The following DNAH6 variants were observed in gnomAD, a reference collection of about 807,000 sequenced individuals.
DNAH6 encodes dynein axonemal heavy chain 6, also known as axonemal beta dynein heavy chain 6.
Under a neutral mutation model 491.4 loss-of-function variants are expected in DNAH6, and 340 were observed. That is an observed-to-expected ratio of 0.69 (90% CI 0.63 to 0.76). The LOEUF is 0.76. Ranked by LOEUF, DNAH6 falls within the 30% of genes least tolerant of loss-of-function variation. The pLI is 0.00. For missense variants in DNAH6, 4,443 were observed against 4,972.2 expected, an observed-to-expected ratio of 0.89 and a Z score of 3.20; for synonymous variants, 1,603 against 1,686.1, an observed-to-expected ratio of 0.95 and a Z score of 1.21.
chr2:84,615,031 A>G (rs184063171), intron 22 of DNAH6, among the ~76,000 whole-genome samples: 6 of 144,370 alleles, frequency 4.2e-5, no homozygotes, highest in Admixed American at 2.7e-4. Context: ...TTTAAGTCCC[A>G]TCTATTTATC....
chr2:84,468,431 G>A, the DNAH6 span, among the ~76,000 whole-genome samples: 1,631 of 152,254 alleles, frequency 0.011, 44 homozygotes, highest in African/African-American at 0.037. Context: ...GGCTGTTAGA[G>A]CTTGAATATC....
At chr2:84,646,642 T>TA (rs1186378971) in intron 33 of DNAH6, among the ~76,000 whole-genome samples, 2 of 152,126 alleles carry the variant, frequency 1.3e-5, no homozygotes, top group African/African-American at 4.8e-5. Context: ...GATAAAAGAT[T>TA]AAACCAGCCA....
chr2:84,658,418 C>T lies in DNAH6; in HGVS notation c.5884C>T (p.Leu1962Phe). The T allele has an allele frequency of 6.5e-7, 1 of 1,547,038 alleles. No homozygotes were observed. The highest frequency in any genetic ancestry group is 1.2e-5 in the South Asian group (1 of 83,118). ...PQVDISKVTTLCCLLESLILG... is the reference protein window; with the variant it reads ...PQVDISKVTTFCCLLESLILG... ...AGTGGACATCAGCAAAGTTACTACACTCTGTTGCTTATTGGAGTCCTTGAT... is the reference window on the plus strand; with the variant it reads ...AGTGGACATCAGCAAAGTTACTACATTCTGTTGCTTATTGGAGTCCTTGAT... The change falls in exon 36 of 77, where the codon CTC becomes TTC. Residue 1962 changes from leucine to phenylalanine, a missense_variant. Physicochemically the swap from Leu to Phe is conservative, Grantham distance 22 (BLOSUM62 0). Around this residue, in one of 3 missense-constraint regions of DNAH6, gnomAD observed 2,977 missense variants for 3,296.6 expected, o/e 0.90. Transcript: ENST00000389394.
At chr2:84,811,859 C>CAAAAA (rs34583430) in intron 72 of DNAH6, among the ~76,000 whole-genome samples, 1 of 104,982 alleles carries the variant, frequency 9.5e-6, no homozygotes, top group Non-Finnish European at 2.1e-5. Flanking sequence ...GATTCTGTCT[C>CAAAAA]AAAAAAAAAA....
chr2:84,496,035 C>T, the DNAH6 span, among the ~76,000 whole-genome samples: 6 of 152,228 alleles, frequency 3.9e-5, no homozygotes, highest in East Asian at 1.9e-4. Flanking sequence ...CCCACCTCCA[C>T]GCTTCTCAGC....
chr2:84,725,961 G>A (rs962117507), intron 60 of DNAH6, among the ~76,000 whole-genome samples: 5 of 152,152 alleles, frequency 3.3e-5, no homozygotes, highest in Admixed American at 2.0e-4. Context: ...AAAACTTTCA[G>A]GAGAATCAAC....
chr2:84,609,485 A>G (rs544078403), intron 21 of DNAH6, among the ~76,000 whole-genome samples: 4 of 152,198 alleles, frequency 2.6e-5, no homozygotes, highest in East Asian at 3.9e-4. Flanking sequence ...AGGGAATAAC[A>G]GGGGGCACGG....
At chr2:84,496,432 T>C in the DNAH6 span, among the ~76,000 whole-genome samples, 325 of 152,326 alleles carry the variant, frequency 2.1e-3, 2 homozygotes, top group African/African-American at 7.7e-3. Flanking sequence ...AAAAATATAA[T>C]CATGTTATGC....
In DNAH6 at chr2:84,606,934, A is replaced by G. The variant is rs1255230119; in HGVS notation, c.3175-42A>G. On this transcript the variant is annotated intron_variant, in intron 20 of 76. Transcript: ENST00000389394. ...TATCTGAAATATTACTGAAAGCACA[A>G]ATACTGGGTGCTGCATGTATTTTCT... The G allele has an allele frequency of 4.6e-6, 7 of 1,536,104 alleles. No individual in the cohort carries two copies. In the African/African-American group the frequency reaches 8.2e-5, roughly 18 times the overall value.
intron 35 of DNAH6, among the ~76,000 whole-genome samples, chr2:84,655,202 G>A (rs1690832636): frequency 6.6e-6 from 1 of 152,088 alleles, no homozygotes; most frequent in Non-Finnish European, 1.5e-5. Context: ...TTTGGATTTT[G>A]AGAGCCCTTA....
chr2:84,605,685 C>A, intron 20 of DNAH6, 93 bp downstream of exon 20: 2 of 756,814 alleles, frequency 2.6e-6, no homozygotes, highest in Non-Finnish European at 2.1e-6. Flanking sequence ...GGGAATAAAA[C>A]ATGAGAGTCA....
At chr2:84,546,937 T>C (rs1678852320) in intron 5 of DNAH6, among the ~76,000 whole-genome samples, 1 of 152,194 alleles carries the variant, frequency 6.6e-6, no homozygotes, top group Non-Finnish European at 1.5e-5. Context: ...TGACCGGACA[T>C]TGTAAAGTAC....
At position 84,617,034 on chromosome 2, in the gene DNAH6, C is replaced by G. The variant is rs957099922; in HGVS notation, c.3572+52C>G. 4.1e-6 allele frequency: 4 copies of G among 973,740 alleles called. No homozygotes were observed. In the African/African-American group the frequency reaches 6.9e-5, roughly 17 times the overall value. 60.3% of individuals were successfully genotyped at this position (973,740 alleles called of 1,614,324 possible). On this transcript the variant is annotated intron_variant, in intron 23 of 76. Transcript: ENST00000389394. ...TTTTTTAGTAGTTATGACTGTCAAT[C>G]AAGTTGAGGTTATAATTATAACCTC... is the stretch of plus-strand genomic sequence containing the variant.
At chr2:84,502,253 T>C in the DNAH6 span, among the ~76,000 whole-genome samples, 4 of 152,150 alleles carry the variant, frequency 2.6e-5, no homozygotes, top group Non-Finnish European at 5.9e-5. Context: ...AATTTTTCAA[T>C]CTTCTTCTTA....
the DNAH6 span, among the ~76,000 whole-genome samples, chr2:84,476,709 A>T: frequency 6.6e-5 from 10 of 152,258 alleles, no homozygotes; most frequent in East Asian, 1.4e-3. Context: ...AATCTCTGCC[A>T]ATTCTCTCCC....
At chr2:84,463,606 A>C in the DNAH6 span, among the ~76,000 whole-genome samples, 1 of 151,704 alleles carries the variant, frequency 6.6e-6, no homozygotes, top group African/African-American at 2.4e-5. Context: ...CCCCTACCCC[A>C]CCCTTCCATG....
At chr2:84,497,784 C>A in the DNAH6 span, among the ~76,000 whole-genome samples, 2 of 152,148 alleles carry the variant, frequency 1.3e-5, no homozygotes, top group Non-Finnish European at 2.9e-5. Flanking sequence ...AAAGGCCTAA[C>A]ATTAGGATGA....
At chr2:84,656,698 A>T (rs1431300277) in intron 35 of DNAH6, among the ~76,000 whole-genome samples, 5 of 151,948 alleles carry the variant, frequency 3.3e-5, no homozygotes, top group African/African-American at 1.2e-4. Context: ...TCTTTATCAG[A>T]TTATATCTTT....
At chr2:84,787,445 C>A in intron 68 of DNAH6, 143 bp downstream of exon 68, 2 of 605,240 alleles carry the variant, frequency 3.3e-6, no homozygotes, top group Non-Finnish European at 5.5e-6. Flanking sequence ...TGTGTGAAGA[C>A]AAGATTGTAA....
Sources: allele counts gnomAD v4.1 joint callset (sites outside exome capture counted in the v4.1 genomes callset), GRCh38; gene constraint gnomAD v4.1.1; regional missense constraint gnomAD v4.1.1; transcripts MANE v1.5; gene names NCBI Gene and HGNC (gene_info 2026-07-23, HGNC 2026-07-21).